The following RELCH variants were observed in gnomAD, a reference collection of about 807,000 sequenced individuals.
RELCH encodes the protein RAB11 binding and LisH domain, coiled-coil and HEAT repeat containing.
In RELCH, 41 loss-of-function variants were observed where a neutral mutation model predicts 150.3. That is an observed-to-expected ratio of 0.27 (90% CI 0.21 to 0.35). The LOEUF is 0.35. RELCH is among the 10% of genes least tolerant of loss of function. The pLI, the probability that RELCH is intolerant of heterozygous loss-of-function variation, is 1.00. For missense variants in RELCH, 1,092 were observed against 1,467.8 expected, an observed-to-expected ratio of 0.74 and a Z score of 4.18; for synonymous variants, 478 against 531.8, an observed-to-expected ratio of 0.90 and a Z score of 1.39.
intron 8 of RELCH, 71 bp from the exon 9 acceptor site, chr18:62,231,123 A>G: frequency 9.6e-7 from 1 of 1,039,812 alleles, no homozygotes; most frequent in East Asian, 2.4e-5. Context: ...TATAATACAT[A>G]ACTTAAATTT....
At position 62,305,358 on chromosome 18, in the gene RELCH, T is replaced by C; in HGVS notation, c.3531-56T>C. 1 of 1,499,644 alleles carries C rather than the reference T, an allele frequency of 6.7e-7. No individual in the cohort carries two copies. Among genetic ancestry groups the C allele is most frequent in the Non-Finnish European group, 9.0e-7 (1 of 1,110,024 alleles). The allele number at this position is 1,499,644 out of a possible 1,614,324, so 92.9% of individuals were successfully genotyped here. On this transcript the variant is annotated intron_variant, in intron 28 of 28. Transcript: ENST00000644646. The surrounding 1 kb of genome is among the most constrained non-coding windows in gnomAD (Gnocchi z 4.0). ...CGTTAATGATATGCTACTAAATAAATGAAAAATTTTTATTTTTTTAATTGC... is the reference window on the plus strand; with the variant it reads ...CGTTAATGATATGCTACTAAATAAACGAAAAATTTTTATTTTTTTAATTGC...
chr18:62,187,995 C>T lies in RELCH; in HGVS notation c.490C>T (p.Arg164Trp). 4 of 1,596,242 alleles carry T rather than the reference C, an allele frequency of 2.5e-6. No homozygotes were observed. The highest frequency in any genetic ancestry group is 3.4e-6 in the Non-Finnish European group (4 of 1,171,960). ...AGCCGGCGTTGGGGGCGCTGGAGGTCGGGAACCGAGTACAGCGTCGGGCGG... is the reference window on the plus strand; with the variant it reads ...AGCCGGCGTTGGGGGCGCTGGAGGTTGGGAACCGAGTACAGCGTCGGGCGG... ...GAAGVGGAGG[R>W]EPSTASGGGQ... is the part of the protein sequence containing the mutation. Residue 164 changes from arginine to tryptophan, a missense_variant, in exon 1 of 29, where the codon CGG becomes TGG. Transcript: ENST00000644646.
At chr18:62,278,949 C>G (rs1228409155) in intron 22 of RELCH, among the ~76,000 whole-genome samples, 1 of 152,032 alleles carries the variant, frequency 6.6e-6, no homozygotes, top group Non-Finnish European at 1.5e-5. Flanking sequence ...AAACATATTA[C>G]AAATCATATA....
At chr18:62,259,877 T>G (rs888878864) in intron 15 of RELCH, among the ~76,000 whole-genome samples, 2 of 151,650 alleles carry the variant, frequency 1.3e-5, no homozygotes, top group Admixed American at 6.6e-5. Context: ...AGAACATATA[T>G]TGAGGAAAGG....
At chr18:62,244,984 G>T in intron 11 of RELCH, 108 bp downstream of exon 11, 4 of 729,048 alleles carry the variant, frequency 5.5e-6, no homozygotes, top group Middle Eastern at 5.2e-4. Context: ...TTTCCTTCCA[G>T]TATCTATTTT....
intron 28 of RELCH, among the ~76,000 whole-genome samples, chr18:62,299,645 C>T (rs890399643): frequency 2.0e-5 from 3 of 152,096 alleles, no homozygotes; most frequent in African/African-American, 7.2e-5. Context: ...CCATTTTAAC[C>T]ACAGAGGATT....
Position 62,275,767 on chromosome 18 carries a change from T to C in RELCH, c.2967+294T>C, listed in dbSNP as rs149376682. ...TTAATTTCTAACTTATATAACTCTT[T>C]CTGACTATACTTTTTGATTTACTGA... On this transcript the variant is annotated intron_variant, in intron 22 of 28. Coordinates refer to ENST00000644646, the MANE Select transcript of RELCH (RefSeq NM_001346231.2). Among the ~76,000 whole-genome samples, 45 of 152,338 alleles carry C rather than the reference T, an allele frequency of 3.0e-4. No homozygotes were observed. In the East Asian group the frequency reaches 8.7e-3, roughly 29 times the overall value.
At chr18:62,201,255 G>A (rs1291433248) in intron 1 of RELCH, among the ~76,000 whole-genome samples, 1 of 152,036 alleles carries the variant, frequency 6.6e-6, no homozygotes, top group Non-Finnish European at 1.5e-5. Context: ...TTACAGGCGT[G>A]AGCCACCGCC....
intron 8 of RELCH, among the ~76,000 whole-genome samples, chr18:62,229,592 A>G (rs1160449288): frequency 2.0e-5 from 3 of 151,454 alleles, no homozygotes; most frequent in Non-Finnish European, 4.4e-5. Context: ...ACCTTATAGT[A>G]TGAGAGAGAC....
chr18:62,208,798 T>A lies in RELCH; in HGVS notation c.527-2355T>A, dbSNP rs141124491. 2.0e-5 allele frequency among the ~76,000 whole-genome samples: 3 copies of A among 152,348 alleles called. No homozygotes were observed. The East Asian group carries it at 5.8e-4, about 29-fold the overall frequency. ...TCCTACGTTAGTTTGGTAAGGATAA[T>A]GGCCTCCAGCTGTTCCCACAAAAGA... On this transcript the variant is annotated intron_variant, in intron 1 of 28. Coordinates refer to ENST00000644646, the MANE Select transcript of RELCH (RefSeq NM_001346231.2).
intron 20 of RELCH, among the ~76,000 whole-genome samples, chr18:62,272,170 A>G (rs142635167): frequency 1.3e-5 from 2 of 152,264 alleles, no homozygotes; most frequent in East Asian, 3.9e-4. Flanking sequence ...TAAGTCATGT[A>G]TGTTAATAAA....
At chr18:62,244,585 C>A (rs1028455840) in intron 10 of RELCH, among the ~76,000 whole-genome samples, 179 bp from the exon 11 acceptor site, 1 of 152,198 alleles carries the variant, frequency 6.6e-6, no homozygotes, top group Non-Finnish European at 1.5e-5. Flanking sequence ...CCACAACCAA[C>A]ACATAAACGT....
At chr18:62,290,106 G>T (rs2045036009) in intron 26 of RELCH, among the ~76,000 whole-genome samples, 1 of 152,128 alleles carries the variant, frequency 6.6e-6, no homozygotes, top group South Asian at 2.1e-4. Context: ...CTCATTATAG[G>T]ATCCATGTCT....
At chr18:62,272,610 G>C (rs2043964628) in intron 20 of RELCH, among the ~76,000 whole-genome samples, 1 of 152,074 alleles carries the variant, frequency 6.6e-6, no homozygotes, top group South Asian at 2.1e-4. Flanking sequence ...CATACCAGCA[G>C]TTAATGTTTA....
chr18:62,192,029 C>T (rs2038681764), intron 1 of RELCH, among the ~76,000 whole-genome samples: 1 of 152,178 alleles, frequency 6.6e-6, no homozygotes, highest in African/African-American at 2.4e-5. Flanking sequence ...AAAAGTGTTC[C>T]TATTTCTCTG....
intron 28 of RELCH, among the ~76,000 whole-genome samples, chr18:62,301,694 G>C (rs1439191324): frequency 6.6e-6 from 1 of 152,108 alleles, no homozygotes; most frequent in East Asian, 1.9e-4. Flanking sequence ...TAATGCTGCA[G>C]GTCTAGGAAC....
chr18:62,291,395 A>T, intron 26 of RELCH, 148 bp from the exon 27 acceptor site: 1 of 482,436 alleles, frequency 2.1e-6, no homozygotes, highest in Non-Finnish European at 3.7e-6. Context: ...ATGAGGATTC[A>T]TGCTTGAGGG....
intron 1 of RELCH, among the ~76,000 whole-genome samples, chr18:62,196,047 A>G (rs1458777435): frequency 2.6e-5 from 4 of 152,072 alleles, no homozygotes; most frequent in Non-Finnish European, 5.9e-5. Context: ...CTCTGAAAGC[A>G]TATATCTAAC....
chr18:62,305,610 CTTT>C lies in RELCH; in HGVS notation c.*80_*82del. On this transcript the variant is annotated 3_prime_UTR_variant, in exon 29 of 29. Coordinates refer to ENST00000644646, the MANE Select transcript of RELCH (RefSeq NM_001346231.2). The surrounding 1 kb of genome is among the most constrained non-coding windows in gnomAD (Gnocchi z 4.0). Reference sequence around the variant, plus strand: ...GGTTCCTTGTACTTGAAGTACTTGCCTTTTTTGTTTCCTCAGTTTTATGTTCTT... The same window carrying C: ...GGTTCCTTGTACTTGAAGTACTTGCCTTTGTTTCCTCAGTTTTATGTTCTT... 6.9e-7 allele frequency: 1 copy of C among 1,455,236 alleles called. No homozygotes were observed. The highest frequency in any genetic ancestry group is 1.4e-5 in the African/African-American group (1 of 69,050). The allele number at this position is 1,455,236 out of a possible 1,614,324, so 90.1% of individuals were successfully genotyped here. A position where few individuals can be genotyped will look rare whatever the true frequency, so the allele number is the denominator to read the frequency against.
Sources: gnomAD v4.1 joint callset for allele counts (sites outside exome capture counted in the v4.1 genomes callset) on GRCh38, gnomAD v4.1.1 for gene constraint, Gnocchi (gnomAD v3.1) non-coding constraint, MANE v1.5 for transcripts, NCBI Gene and HGNC (gene_info 2026-07-23, HGNC 2026-07-21) for gene names.